ARMH3: variants seen among roughly 807,000 people sequenced by gnomAD.
ARMH3 encodes armadillo like helical domain containing 3.
ARMH3 carries 60 observed loss-of-function variants against 99.1 expected under a neutral mutation model. That is an observed-to-expected ratio of 0.61 (90% CI 0.49 to 0.75). ARMH3 has a LOEUF of 0.75. Among genes scored for constraint, ARMH3 ranks in the 30% least tolerant of loss-of-function variants. The pLI is 0.00. For synonymous variants in ARMH3, 285 were observed against 292.8 expected, an observed-to-expected ratio of 0.97 and a Z score of 0.27; for missense variants, 679 against 843.1, an observed-to-expected ratio of 0.81 and a Z score of 2.41.
intron 1 of ARMH3, 98 bp from the exon 2 acceptor site, chr10:102,040,223 TA>T: frequency 1.0e-6 from 1 of 985,514 alleles, no homozygotes; most frequent in African/African-American, 1.6e-5. Context: ...CCATAGAATA[TA>T]CAACACCAAG....
chr10:102,024,393 G>A (rs1590200012), intron 6 of ARMH3, among the ~76,000 whole-genome samples: 1 of 151,942 alleles, frequency 6.6e-6, no homozygotes, highest in Non-Finnish European at 1.5e-5. Flanking sequence ...TGGTTGCAGT[G>A]AGCCAGGATC....
Position 101,975,271 on chromosome 10 carries a change from A to G in ARMH3, c.1436T>C (p.Leu479Pro). ...IRCIQVVHKL[L>P]CYQKKCRVRL... ...TACCCGACACTTCTTCTGGTAGCAG[A>G]GCAGTTTGTGTACTACCTGGATGCA... Residue 479 changes from leucine (L) to proline (P), a missense_variant, in exon 20 of 26, where the codon CTC (leucine) becomes CCC (proline). Around this residue, in one of 3 missense-constraint regions of ARMH3, gnomAD observed 389 missense variants for 456.5 expected, o/e 0.85. Transcript: ENST00000370033. The G allele has an allele frequency of 6.2e-7, 1 of 1,612,742 alleles. No homozygotes were observed. The highest frequency in any genetic ancestry group is 8.5e-7 in the Non-Finnish European group (1 of 1,179,122).
chr10:101,907,443 T>C (rs1388670664), intron 23 of ARMH3, among the ~76,000 whole-genome samples: 1 of 151,298 alleles, frequency 6.6e-6, no homozygotes, highest in Non-Finnish European at 1.5e-5. Context: ...AGTGCAGTGG[T>C]GCAATCTCAG....
chr10:101,941,885 T>C (rs1844255842), intron 22 of ARMH3, among the ~76,000 whole-genome samples: 1 of 152,196 alleles, frequency 6.6e-6, no homozygotes, highest in South Asian at 2.1e-4. Flanking sequence ...TTTAGATGCA[T>C]TGGTTTTTCA....
intron 1 of ARMH3, among the ~76,000 whole-genome samples, chr10:102,046,584 G>A (rs545200830): frequency 2.6e-5 from 4 of 152,232 alleles, no homozygotes; most frequent in African/African-American, 4.8e-5. Context: ...CCGAGGAGGC[G>A]GAGGTTGCAG....
chr10:101,874,879 T>A (rs1016311144), intron 24 of ARMH3, among the ~76,000 whole-genome samples: 4 of 152,286 alleles, frequency 2.6e-5, no homozygotes, highest in African/African-American at 9.6e-5. Context: ...CAGGTGGGAC[T>A]GCTGTGAAGA....
intron 2 of ARMH3, among the ~76,000 whole-genome samples, chr10:102,035,441 C>A (rs1369320406): frequency 1.3e-5 from 2 of 152,248 alleles, no homozygotes; most frequent in East Asian, 3.9e-4. Flanking sequence ...CCACAGTCTC[C>A]CTCTGATGCC....
At chr10:101,853,018 G>C (rs1190750865) in intron 24 of ARMH3, among the ~76,000 whole-genome samples, 3 of 151,410 alleles carry the variant, frequency 2.0e-5, no homozygotes, top group Admixed American at 6.6e-5. Context: ...TGAGTAGCTG[G>C]GATTACAGGC....
chr10:101,882,304 G>A (rs1420900259), intron 24 of ARMH3, among the ~76,000 whole-genome samples: 2 of 152,104 alleles, frequency 1.3e-5, no homozygotes, highest in African/African-American at 4.8e-5. Flanking sequence ...AGATATTCAG[G>A]GCTCTAGAAA....
chr10:101,900,136 A>G (rs536155868), intron 23 of ARMH3, among the ~76,000 whole-genome samples: 2 of 152,300 alleles, frequency 1.3e-5, no homozygotes, highest in South Asian at 4.1e-4. Flanking sequence ...AGATTATCCT[A>G]TCGTTGCTCA....
At chr10:101,953,621 G>A (rs893749246) in intron 22 of ARMH3, among the ~76,000 whole-genome samples, 1 of 149,968 alleles carries the variant, frequency 6.7e-6, no homozygotes, top group Non-Finnish European at 1.5e-5. Context: ...GGCAAATAAG[G>A]ACAGGAAAAG....
At chr10:102,055,578 G>C (rs1267780819) in intron 1 of ARMH3, among the ~76,000 whole-genome samples, 1 of 152,182 alleles carries the variant, frequency 6.6e-6, no homozygotes. Context: ...GATTCCGTGT[G>C]AAGAGTGGGT....
chr10:101,972,086 G>A (rs951664168), intron 20 of ARMH3, among the ~76,000 whole-genome samples: 1 of 152,148 alleles, frequency 6.6e-6, no homozygotes, highest in African/African-American at 2.4e-5. Flanking sequence ...GAGTAGATCA[G>A]GGCTCGTATC....
intron 1 of ARMH3, among the ~76,000 whole-genome samples, chr10:102,044,091 CTTTTTTTTT>C (rs778226635): frequency 9.6e-6 from 1 of 104,124 alleles, no homozygotes; most frequent in African/African-American, 3.6e-5. Context: ...TAATTTTTTT[CTTTTTTTTT>C]TTTTTTTTTT....
intron 23 of ARMH3, chr10:101,889,799 G>A: frequency 6.8e-6 from 2 of 294,106 alleles, no homozygotes; most frequent in Admixed American, 4.3e-5. Context: ...AACCCAGAGG[G>A]CTGTCCACTA....
intron 19 of ARMH3, among the ~76,000 whole-genome samples, chr10:101,988,676 A>G (rs1846624079): frequency 6.6e-6 from 1 of 152,202 alleles, no homozygotes; most frequent in African/African-American, 2.4e-5. Flanking sequence ...TAATCCCAGC[A>G]CTTTGGGAAG....
chr10:101,909,355 C>T (rs1373907887), intron 23 of ARMH3, among the ~76,000 whole-genome samples: 4 of 148,294 alleles, frequency 2.7e-5, no homozygotes, highest in Non-Finnish European at 5.9e-5. Context: ...TGTAGTAAGC[C>T]GAGATTGCAC....
At chr10:101,895,467 G>A (rs1238193520) in intron 23 of ARMH3, among the ~76,000 whole-genome samples, 4 of 151,984 alleles carry the variant, frequency 2.6e-5, no homozygotes, top group Non-Finnish European at 4.4e-5. Flanking sequence ...TTTTAGTAGA[G>A]ACGGGGTTTC....
chr10:101,863,218 A>G (rs2066914332), intron 24 of ARMH3, among the ~76,000 whole-genome samples: 1 of 152,184 alleles, frequency 6.6e-6, no homozygotes, highest in East Asian at 1.9e-4. Context: ...ACACAGATTG[A>G]AAGTAAAATG....
Sources: allele counts gnomAD v4.1 joint callset (sites outside exome capture counted in the v4.1 genomes callset), GRCh38; gene constraint gnomAD v4.1.1; regional missense constraint gnomAD v4.1.1; transcripts MANE v1.5; gene names NCBI Gene and HGNC (gene_info 2026-07-23, HGNC 2026-07-21).